Variants in FBXL13 observed in about 807,000 individuals in gnomAD.
The protein encoded by FBXL13 is F-box and leucine rich repeat protein 13.
FBXL13 carries 67 observed loss-of-function variants against 83.6 expected under a neutral mutation model. The observed-to-expected ratio is 0.80, with a 90% CI of 0.66 to 0.98. The LOEUF (loss-of-function observed/expected upper bound fraction) is 0.98. Ranked by LOEUF, FBXL13 falls within the 50% of genes least tolerant of loss-of-function variation. The pLI, the probability that FBXL13 is intolerant of heterozygous loss-of-function variation, is 0.00. For synonymous variants in FBXL13, 272 were observed against 299.5 expected, an observed-to-expected ratio of 0.91 and a Z score of 0.95; for missense variants, 822 against 866.5, an observed-to-expected ratio of 0.95 and a Z score of 0.64.
intron 1 of FBXL13, among the ~76,000 whole-genome samples, chr7:103,060,018 TTTTATATATATATATATATA>T (rs1797703529): frequency 1.7e-5 from 1 of 58,354 alleles, no homozygotes; most frequent in East Asian, 6.2e-4. Context: ...TAGCAAGATA[TTTTATATATATATATATATA>T]TATATATATA....
At chr7:103,008,388 T>C (rs943560527) in intron 6 of FBXL13, among the ~76,000 whole-genome samples, 1 of 152,122 alleles carries the variant, frequency 6.6e-6, no homozygotes, top group African/African-American at 2.4e-5. Flanking sequence ...TGATCAACTG[T>C]AAAAGCATGC....
intron 7 of FBXL13, among the ~76,000 whole-genome samples, chr7:102,965,065 T>A (rs1020949047): frequency 2.6e-5 from 4 of 152,154 alleles, no homozygotes; most frequent in Admixed American, 2.6e-4. Context: ...ACCCGAACCC[T>A]TCATGAACAT....
intron 8 of FBXL13, among the ~76,000 whole-genome samples, chr7:102,958,793 C>A (rs1420601461): frequency 6.6e-6 from 1 of 151,896 alleles, no homozygotes; most frequent in Admixed American, 6.6e-5. Context: ...CAGAAACAAA[C>A]AGTTCCTAAA....
chr7:103,022,476 T>TAA (rs938987917), intron 6 of FBXL13, among the ~76,000 whole-genome samples: 1 of 141,026 alleles, frequency 7.1e-6, no homozygotes, highest in East Asian at 2.0e-4. Flanking sequence ...ACTTAAAGTA[T>TAA]AAAAAAAAAA....
At chr7:102,834,888 G>A (rs1801601990) in intron 17 of FBXL13, among the ~76,000 whole-genome samples, 1 of 147,622 alleles carries the variant, frequency 6.8e-6, no homozygotes, top group Admixed American at 6.7e-5. Context: ...ATGTGTGTGT[G>A]TGTGTGTGTG....
chr7:102,867,256 G>A (rs1807786217), intron 16 of FBXL13, among the ~76,000 whole-genome samples: 1 of 152,116 alleles, frequency 6.6e-6, no homozygotes, highest in Non-Finnish European at 1.5e-5. Context: ...TACTTGGGAG[G>A]CTGAGGCAGG....
chr7:103,073,710 G>C (rs761004286), intron 1 of FBXL13, among the ~76,000 whole-genome samples: 4 of 152,032 alleles, frequency 2.6e-5, no homozygotes, highest in Non-Finnish European at 5.9e-5. Flanking sequence ...TGGTTAAAGG[G>C]TACATGTATT....
At chr7:103,040,366 C>A (rs1037254736) in intron 2 of FBXL13, among the ~76,000 whole-genome samples, 1 of 151,914 alleles carries the variant, frequency 6.6e-6, no homozygotes, top group African/African-American at 2.4e-5. Flanking sequence ...ACTCCCACAC[C>A]ATAATAATGG....
At chr7:103,068,929 AT>A (rs974629933) in intron 1 of FBXL13, among the ~76,000 whole-genome samples, 4 of 152,224 alleles carry the variant, frequency 2.6e-5, no homozygotes, top group African/African-American at 9.6e-5. Flanking sequence ...TACTTGCCAG[AT>A]TTTAAAGTTG....
At chr7:102,917,646 G>A (rs983064231) in intron 10 of FBXL13, among the ~76,000 whole-genome samples, 2 of 152,214 alleles carry the variant, frequency 1.3e-5, no homozygotes, top group Non-Finnish European at 2.9e-5. Context: ...CCTAGGCAGA[G>A]AAGTTTGGTT....
At chr7:102,980,184 T>C (rs920268094) in intron 6 of FBXL13, among the ~76,000 whole-genome samples, 13 of 152,178 alleles carry the variant, frequency 8.5e-5, no homozygotes, top group South Asian at 2.1e-4. Flanking sequence ...AGAACAAAGT[T>C]GGAGGACTCA....
At chr7:102,843,850 A>C (rs1348991341) in intron 17 of FBXL13, among the ~76,000 whole-genome samples, 1 of 152,190 alleles carries the variant, frequency 6.6e-6, no homozygotes, top group South Asian at 2.1e-4. Flanking sequence ...GGTCTCAAAA[A>C]AGACGGGGCC....
Position 102,878,469 on chromosome 7 carries a change from A to T in FBXL13, c.1389-19T>A, listed in dbSNP as rs755927601. The T allele has an allele frequency of 3.9e-6, 6 of 1,543,516 alleles. No homozygotes were observed. The highest frequency in any genetic ancestry group is 2.8e-5 in the African/African-American group (2 of 71,816). On this transcript the variant is annotated intron_variant, in intron 14 of 19. Coordinates refer to ENST00000313221, the Ensembl canonical transcript of FBXL13. ...ACCAATTCTGTAGGAAAGAGAGAAA[A>T]ATTTTACATGTGATTCTATATATAA...
chr7:102,896,792 A>G (rs546993270), intron 11 of FBXL13, among the ~76,000 whole-genome samples: 2 of 152,180 alleles, frequency 1.3e-5, no homozygotes, highest in Non-Finnish European at 2.9e-5. Context: ...ATCTGAATTA[A>G]TTACATCTGC....
At chr7:103,031,243 C>G (rs184691944) in intron 2 of FBXL13, 1 of 152,264 alleles carries the variant, frequency 6.6e-6, no homozygotes, top group Non-Finnish European at 1.5e-5. Flanking sequence ...TTCACTTCCT[C>G]CATTTATGTT....
chr7:103,071,865 G>A (rs1051642491), intron 1 of FBXL13, among the ~76,000 whole-genome samples: 4 of 152,090 alleles, frequency 2.6e-5, no homozygotes, highest in Admixed American at 2.0e-4. Context: ...CAGAAGATGG[G>A]TTTTAGAAAA....
chr7:102,961,850 G>C (rs1207032425), intron 8 of FBXL13, among the ~76,000 whole-genome samples: 1 of 143,392 alleles, frequency 7.0e-6, no homozygotes. Flanking sequence ...ATGGATTAAA[G>C]ACTTAAACGT....
chr7:102,916,322 G>A lies in FBXL13; in HGVS notation c.879-3107C>T, dbSNP rs1199887026. Among the ~76,000 whole-genome samples the A allele has an allele frequency of 2.6e-5, 4 of 152,072 alleles. No homozygotes were observed. The East Asian group carries it at 7.7e-4, about 29-fold the overall frequency. On this transcript the variant is annotated intron_variant, in intron 10 of 19. Transcript: ENST00000313221. ...TTTTATATCCCCCATTAAAATTCAT[G>A]GAGCTCCTGAATTCTATCCCTGATC...
At chr7:103,060,018 TTTTATATATATA>T (rs1322607972) in intron 1 of FBXL13, among the ~76,000 whole-genome samples, 7 of 58,372 alleles carry the variant, frequency 1.2e-4, no homozygotes, top group Middle Eastern at 0.017. Context: ...TAGCAAGATA[TTTTATATATATA>T]TATATATATA....
Sources: allele counts gnomAD v4.1 joint callset (sites outside exome capture counted in the v4.1 genomes callset), GRCh38; gene constraint gnomAD v4.1.1; transcripts MANE v1.5; gene names NCBI Gene and HGNC (gene_info 2026-07-23, HGNC 2026-07-21).